The following RANBP9 variants were observed in gnomAD, a reference collection of about 807,000 sequenced individuals.
RANBP9 encodes ran-binding protein 9.
RANBP9 carries 15 observed loss-of-function variants against 84.3 expected under a neutral mutation model. That is an observed-to-expected ratio of 0.18 (90% confidence interval 0.12 to 0.27). The LOEUF (loss-of-function observed/expected upper bound fraction) is 0.27, where lower values mean the gene tolerates loss of function less well. Ranked by LOEUF, RANBP9 falls within the 10% of genes least tolerant of loss-of-function variation. The pLI, the probability that RANBP9 is intolerant of heterozygous loss-of-function variation, is 1.00. For missense variants in RANBP9, 809 were observed against 912.8 expected (o/e 0.89, Z 1.46); for synonymous variants, 392 against 349.6 (o/e 1.12, Z -1.35).
intron 1 of RANBP9, among the ~76,000 whole-genome samples, chr6:13,709,554 A>T (rs1027554638): frequency 4.6e-5 from 7 of 152,270 alleles, no homozygotes; most frequent in African/African-American, 1.7e-4. Flanking sequence ...CTTCACAAGG[A>T]AATTAACAAA....
chr6:13,645,368 G>C (rs533529772), intron 5 of RANBP9, among the ~76,000 whole-genome samples: 96 of 151,904 alleles, frequency 6.3e-4, no homozygotes, highest in African/African-American at 2.1e-3. Context: ...GGATGAATCT[G>C]AATATACCCA....
intron 2 of RANBP9, among the ~76,000 whole-genome samples, chr6:13,695,096 C>A (rs1418388776): frequency 6.6e-6 from 1 of 151,826 alleles, no homozygotes; most frequent in East Asian, 1.9e-4. Context: ...GAAAAATGAC[C>A]CAAGAGCTAG....
chr6:13,644,880 A>G (rs1765146593), intron 5 of RANBP9, 151 bp from the exon 6 acceptor site: 1 of 674,196 alleles, frequency 1.5e-6, no homozygotes, highest in African/African-American at 1.9e-5. Context: ...CAAATGATCT[A>G]AAATACATTA....
intron 5 of RANBP9, among the ~76,000 whole-genome samples, chr6:13,649,930 T>C (rs1160169845): frequency 6.6e-6 from 1 of 152,184 alleles, no homozygotes; most frequent in Non-Finnish European, 1.5e-5. Flanking sequence ...CTTATGTAAT[T>C]TTCAGATCCA....
chr6:13,652,190 CT>C (rs1765313643), intron 5 of RANBP9, among the ~76,000 whole-genome samples: 1 of 152,142 alleles, frequency 6.6e-6, no homozygotes, highest in African/African-American at 2.4e-5. Context: ...TTCTACTTTA[CT>C]TGTTTTTCAT....
chr6:13,711,485 C>T lies in RANBP9; in HGVS notation c.21G>A (p.Pro7=), dbSNP rs773006228. 25 of 1,246,074 alleles carry T rather than the reference C, an allele frequency of 2.0e-5. No individual in the cohort carries two copies. The highest frequency in any genetic ancestry group is 2.1e-5 in the Non-Finnish European group (21 of 994,710). 77.2% of individuals were successfully genotyped at this position (1,246,074 alleles called of 1,614,324 possible). A position where few individuals can be genotyped will look rare whatever the true frequency, so the allele number is the denominator to read the frequency against. Residue 7 remains proline (P), a synonymous_variant, in exon 1 of 14, where the codon CCG becomes CCA. Transcript: ENST00000011619. MSGQPP[P]PPPQQQQQQQ... ...GCTGTTGCTGCTGCTGCGGCGGCGG[C>T]GGCGGCGGCTGCCCGGACATCCCGG... is the stretch of plus-strand genomic sequence containing the variant.
intron 2 of RANBP9, among the ~76,000 whole-genome samples, chr6:13,684,550 T>C (rs1196440959): frequency 6.6e-6 from 1 of 152,208 alleles, no homozygotes; most frequent in Non-Finnish European, 1.5e-5. Flanking sequence ...CAGCTGGGTA[T>C]ATAGTAAAAA....
In RANBP9 at chr6:13,641,732, A is replaced by G. The variant is rs144535707; in HGVS notation, c.1226-425T>C. Among the ~76,000 whole-genome samples, 580 of 152,336 alleles carry G rather than the reference A, an allele frequency of 3.8e-3. 3 individuals are homozygous for G. The highest frequency in any genetic ancestry group is 0.014 in the African/African-American group (564 of 41,584). On this transcript the variant is annotated intron_variant, in intron 7 of 13. Transcript: ENST00000011619. ...GTTGAGCATTCACTTGATCTGTTAT[A>G]TGTTAAATTAGATGATAAGGATACA...
intron 6 of RANBP9, 29 bp from the exon 7 acceptor site, chr6:13,642,620 T>TTTTTA: frequency 6.9e-7 from 1 of 1,445,878 alleles, no homozygotes; most frequent in Non-Finnish European, 9.6e-7. Context: ...AACATACATC[T>TTTTTA]TTTAGTGAAG....
chr6:13,630,692 T>C lies in RANBP9; in HGVS notation c.1947+1678A>G, dbSNP rs145561506. Among the ~76,000 whole-genome samples, 206 of 152,280 alleles carry C rather than the reference T, an allele frequency of 1.4e-3. 2 individuals are homozygous for C. The highest frequency in any genetic ancestry group is 4.8e-3 in the African/African-American group (200 of 41,556). On this transcript the variant is annotated intron_variant, in intron 12 of 13. Coordinates refer to ENST00000011619, the MANE Select transcript of RANBP9 (RefSeq NM_005493.3). ...TTTTCTCTTTCATTTCCTCTGACTATATAGTGGAATTTTCCAGAGGCACAA... is the reference window on the plus strand; with the variant it reads ...TTTTCTCTTTCATTTCCTCTGACTACATAGTGGAATTTTCCAGAGGCACAA...
intron 2 of RANBP9, among the ~76,000 whole-genome samples, chr6:13,668,665 C>T (rs2113303077): frequency 6.6e-6 from 1 of 152,122 alleles, no homozygotes; most frequent in South Asian, 2.1e-4. Flanking sequence ...AAACTCATCA[C>T]CCTTTCACGA....
chr6:13,683,110 T>C (rs533709710), intron 2 of RANBP9, among the ~76,000 whole-genome samples: 14 of 152,308 alleles, frequency 9.2e-5, no homozygotes, highest in African/African-American at 3.4e-4. Context: ...TTTTTCCATC[T>C]GACAACAATT....
Position 13,710,913 on chromosome 6 carries a change from C to G in RANBP9, c.571+22G>C, listed in dbSNP as rs1296982494. On this transcript the variant is annotated intron_variant, in intron 1 of 13. Coordinates refer to ENST00000011619, the MANE Select transcript of RANBP9 (RefSeq NM_005493.3). Reference sequence around the variant, plus strand: ...ACGTCGGGTCAGTGCCCCACTCCCACCGCAGGACACACGCCCAGTACCTTT... The same window carrying G: ...ACGTCGGGTCAGTGCCCCACTCCCAGCGCAGGACACACGCCCAGTACCTTT... The G allele has an allele frequency of 5.1e-6, 8 of 1,583,142 alleles. No individual in the cohort carries two copies. In the African/African-American group the frequency reaches 6.8e-5, roughly 14 times the overall value.
At position 13,639,547 on chromosome 6, in the gene RANBP9, A is replaced by C. The variant is rs538082284; in HGVS notation, c.1525+16T>G. On this transcript the variant is annotated intron_variant, in intron 9 of 13. Coordinates refer to ENST00000011619, the MANE Select transcript of RANBP9 (RefSeq NM_005493.3). Reference sequence around the variant, plus strand: ...AGAGGAAAAATCTAAAAATAATGTCATAAGTTAAATCTCACCTGAAAAATG... The same window carrying C: ...AGAGGAAAAATCTAAAAATAATGTCCTAAGTTAAATCTCACCTGAAAAATG... The C allele has an allele frequency of 3.6e-5, 56 of 1,573,884 alleles. No individual in the cohort carries two copies. The highest frequency in any genetic ancestry group is 4.6e-5 in the Non-Finnish European group (53 of 1,145,024).
At chr6:13,636,182 C>G (rs1764933058) in intron 10 of RANBP9, among the ~76,000 whole-genome samples, 2 of 152,112 alleles carry the variant, frequency 1.3e-5, no homozygotes, top group South Asian at 2.1e-4. Context: ...GGAAAAAGCA[C>G]AAGTTTGCAA....
At chr6:13,634,234 T>C (rs1179510775) in intron 11 of RANBP9, among the ~76,000 whole-genome samples, 197 bp downstream of exon 11, 1 of 152,212 alleles carries the variant, frequency 6.6e-6, no homozygotes, top group Admixed American at 6.5e-5. Flanking sequence ...AAACACTGCC[T>C]GTAGCTGAAA....
intron 2 of RANBP9, among the ~76,000 whole-genome samples, chr6:13,692,722 C>T (rs892981290): frequency 6.6e-6 from 1 of 151,562 alleles, no homozygotes; most frequent in Non-Finnish European, 1.5e-5. Flanking sequence ...TGTGGTGGTA[C>T]ATGTCTGTAA....
At chr6:13,644,503 A>T (rs1765135835) in intron 6 of RANBP9, 42 bp downstream of exon 6, 1 of 1,566,472 alleles carries the variant, frequency 6.4e-7, no homozygotes, top group Non-Finnish European at 8.7e-7. Context: ...CTTATAAAAA[A>T]CAGATTCTGA....
chr6:13,651,115 A>G (rs887814579), intron 5 of RANBP9, among the ~76,000 whole-genome samples: 1 of 152,196 alleles, frequency 6.6e-6, no homozygotes, highest in Non-Finnish European at 1.5e-5. Flanking sequence ...CTAAGTTTAA[A>G]TAACCCTAAG....
Sources: allele counts gnomAD v4.1 joint callset (sites outside exome capture counted in the v4.1 genomes callset), GRCh38; gene constraint gnomAD v4.1.1; transcripts MANE v1.5; gene names NCBI Gene and HGNC (gene_info 2026-07-23, HGNC 2026-07-21).